Variants in KLHL38 observed in about 807,000 individuals in gnomAD.
The protein encoded by KLHL38 is kelch like family member 38.
KLHL38 carries 38 observed loss-of-function variants against 39.6 expected under a neutral mutation model. That is an observed-to-expected ratio of 0.96 (90% CI 0.74 to 1.26). The LOEUF (loss-of-function observed/expected upper bound fraction) is 1.26, where lower values mean the gene tolerates loss of function less well. Among genes scored for constraint, KLHL38 ranks in the 50% most tolerant of loss-of-function variants. The pLI is 0.00. For missense variants in KLHL38, 803 were observed against 748.1 expected (o/e 1.07, Z -0.86); for synonymous variants, 322 against 302.2 (o/e 1.07, Z -0.68).
Position 123,652,385 on chromosome 8 carries a change from C to A in KLHL38, c.542G>T (p.Arg181Met). 6.2e-7 allele frequency: 1 copy of A among 1,614,074 alleles called. No homozygotes were observed. The highest frequency in any genetic ancestry group is 8.5e-7 in the Non-Finnish European group (1 of 1,180,046). The change falls in exon 2 of 4, where the codon AGG becomes ATG. Residue 181 changes from arginine to methionine, a missense_variant. Coordinates refer to ENST00000684634, the MANE Select transcript of KLHL38 (RefSeq NM_001081675.3). ...DLKELCALEL[R>M]DYLGDDGLCG... The stretch of plus-strand genomic sequence containing the variant: ...GAGCCCATCATCTCCGAGATAGTCC[C>A]TCAACTCCAAGGCACAGAGCTCCTT...
intron 2 of KLHL38, among the ~76,000 whole-genome samples, chr8:123,650,280 A>G (rs1812616483): frequency 1.3e-5 from 2 of 152,136 alleles, no homozygotes. Context: ...CACATAAAGC[A>G]CACTAACACA....
In KLHL38 at chr8:123,652,754, T is replaced by A; in HGVS notation, c.173A>T (p.Tyr58Phe). The stretch of plus-strand genomic sequence containing the variant: ...GCTGCTGCAGAACATAGCCCTGAAG[T>A]AGGGGCTGCTGGAGGCCAGCACGTT... Reference protein sequence around the residue: ...HRNVLASSSPYFRAMFCSSFR... With the variant: ...HRNVLASSSPFFRAMFCSSFR... The change falls in exon 2 of 4, where the codon TAC (tyrosine) becomes TTC (phenylalanine). Residue 58 changes from tyrosine to phenylalanine, a missense_variant. Transcript: ENST00000684634. 6.2e-7 allele frequency: 1 copy of A among 1,614,156 alleles called. No homozygotes were observed. The highest frequency in any genetic ancestry group is 8.5e-7 in the Non-Finnish European group (1 of 1,180,008).
In KLHL38 at chr8:123,646,028, C is replaced by T. The variant is rs747331529; in HGVS notation, c.1457G>A (p.Gly486Asp). The T allele has an allele frequency of 1.2e-6, 2 of 1,613,640 alleles. No homozygotes were observed. The highest frequency in any genetic ancestry group is 1.1e-5 in the South Asian group (1 of 91,068). Reference protein sequence around the residue: ...VLGERIVIVGGYTRRILAYDP... With the variant: ...VLGERIVIVGDYTRRILAYDP... Reference sequence around the variant, plus strand: ...ATAAGCAAGAATCCTCCTTGTGTAACCTGAAAACCAAATGACACATGGGCA... The same window carrying T: ...ATAAGCAAGAATCCTCCTTGTGTAATCTGAAAACCAAATGACACATGGGCA... Residue 486 changes from glycine to aspartate, a missense_variant and splice_region_variant, in exon 4 of 4, where the codon GGT becomes GAT. By Grantham distance (94) the Gly-to-Asp change is moderately conservative. Coordinates refer to ENST00000684634, the MANE Select transcript of KLHL38 (RefSeq NM_001081675.3).
At chr8:123,646,884 C>A in intron 3 of KLHL38, 25 bp downstream of exon 3, 2 of 1,520,296 alleles carry the variant, frequency 1.3e-6, no homozygotes, top group South Asian at 1.2e-5. Flanking sequence ...TGTGTCACGC[C>A]CAGTGATCCT....
chr8:123,647,132 A>G, intron 2 of KLHL38, 118 bp from the exon 3 acceptor site: 1 of 659,738 alleles, frequency 1.5e-6, no homozygotes, highest in Non-Finnish European at 2.7e-6. Flanking sequence ...GCTTTTTTCC[A>G]GTTTTAAAAA....
rs374468348 is a variant in KLHL38 at position 123,652,441 on chromosome 8, G to A, written c.486C>T (p.Ser162=). ...KKKAREVALT[S]FPEVAASADL... is the part of the protein sequence containing the mutation. The stretch of plus-strand genomic sequence containing the variant: ...CGGCCGATGCGGCCACCTCTGGGAA[G>A]GACGTCAGTGCCACCTCCCTGGCTT... Residue 162 remains serine, a synonymous_variant, in exon 2 of 4, where the codon TCC becomes TCT. Coordinates refer to ENST00000684634, the MANE Select transcript of KLHL38 (RefSeq NM_001081675.3). 4 of 1,614,052 alleles carry A rather than the reference G, an allele frequency of 2.5e-6. No individual in the cohort carries two copies. Among genetic ancestry groups the A allele is most frequent in the Non-Finnish European group, 3.4e-6 (4 of 1,180,042 alleles).
rs1818624767 is a variant in KLHL38 at position 123,644,587 on chromosome 8, G to A, written c.*1152C>T. On this transcript the variant is annotated 3_prime_UTR_variant, in exon 4 of 4. Coordinates refer to ENST00000684634, the MANE Select transcript of KLHL38 (RefSeq NM_001081675.3). Reference sequence around the variant, plus strand: ...AAGGTCAGGGCCAATTTCTCACGCTGCCACCTGGACCAAGCAGTTCCAGGA... The same window carrying A: ...AAGGTCAGGGCCAATTTCTCACGCTACCACCTGGACCAAGCAGTTCCAGGA... Among the ~76,000 whole-genome samples, 1 of 152,190 alleles carries A rather than the reference G, an allele frequency of 6.6e-6. No homozygotes were observed.
rs769312627 is a variant in KLHL38, at chr8:123,652,748, C to G, written c.179G>C (p.Arg60Thr). The G allele has an allele frequency of 6.2e-7, 1 of 1,614,212 alleles. No individual in the cohort carries two copies. The highest frequency in any genetic ancestry group is 1.1e-5 in the South Asian group (1 of 91,086). The change falls in exon 2 of 4, where the codon AGG becomes ACG. Residue 60 changes from arginine (R) to threonine (T), a missense_variant. Arg to Thr is a moderately conservative substitution (Grantham distance 71). Transcript: ENST00000684634. ...CCGGAAGCTGCTGCAGAACATAGCC[C>G]TGAAGTAGGGGCTGCTGGAGGCCAG... Reference protein sequence around the residue: ...NVLASSSPYFRAMFCSSFREK... With the variant: ...NVLASSSPYFTAMFCSSFREK...
intron 2 of KLHL38, among the ~76,000 whole-genome samples, chr8:123,651,035 G>T (rs1295600192): frequency 6.6e-6 from 1 of 152,190 alleles, no homozygotes; most frequent in African/African-American, 2.4e-5. Context: ...GATAAACTCT[G>T]TGCATAGGGA....
chr8:123,653,557 C>T (rs770000665), intron 1 of KLHL38, among the ~76,000 whole-genome samples, 29 bp downstream of exon 1: 4 of 152,188 alleles, frequency 2.6e-5, no homozygotes, highest in South Asian at 2.1e-4. Context: ...TTTCTACTTG[C>T]AGAAGAAATA....
At position 123,645,700 on chromosome 8, in the gene KLHL38, G is replaced by A; in HGVS notation, c.*39C>T. The stretch of plus-strand genomic sequence containing the variant: ...AGCTGGGTTTGTGTCCCTGGCGACA[G>A]AAGGCATTTTGACTAGGGCAGAAGG... On this transcript the variant is annotated 3_prime_UTR_variant, in exon 4 of 4. Transcript: ENST00000684634. The A allele has an allele frequency of 1.2e-6, 2 of 1,602,086 alleles. No individual in the cohort carries two copies. The highest frequency in any genetic ancestry group is 1.7e-6 in the Non-Finnish European group (2 of 1,171,870).
chr8:123,650,658 C>T (rs1812627486), intron 2 of KLHL38, among the ~76,000 whole-genome samples: 2 of 152,148 alleles, frequency 1.3e-5, no homozygotes, highest in Non-Finnish European at 2.9e-5. Context: ...CTGGAAAACA[C>T]TTAATATTCT....
At chr8:123,653,395 G>A (rs1183436001) in intron 1 of KLHL38, among the ~76,000 whole-genome samples, 191 bp downstream of exon 1, 1 of 152,200 alleles carries the variant, frequency 6.6e-6, no homozygotes, top group Non-Finnish European at 1.5e-5. Flanking sequence ...TATTCTGGAG[G>A]TGTGGCCCTC....
chr8:123,645,672 T>C lies in KLHL38; in HGVS notation c.*67A>G. 2.6e-6 allele frequency: 4 copies of C among 1,562,846 alleles called. No individual in the cohort carries two copies. The East Asian group carries it at 6.8e-5, about 26-fold the overall frequency. On this transcript the variant is annotated 3_prime_UTR_variant, in exon 4 of 4. Coordinates refer to ENST00000684634, the MANE Select transcript of KLHL38 (RefSeq NM_001081675.3). ...TGCAGCCTTTAAGGGTTAAGCCCTTTGGAGCTGGGTTTGTGTCCCTGGCGA... is the reference window on the plus strand; with the variant it reads ...TGCAGCCTTTAAGGGTTAAGCCCTTCGGAGCTGGGTTTGTGTCCCTGGCGA...
intron 2 of KLHL38, 113 bp downstream of exon 2, chr8:123,651,464 A>G (rs962520351): frequency 9.3e-7 from 1 of 1,070,878 alleles, no homozygotes; most frequent in Non-Finnish European, 1.3e-6. Flanking sequence ...TTATGTGCAT[A>G]TATGTGTTTT....
Position 123,652,531 on chromosome 8 carries a change from GGCC to G in KLHL38, c.393_395del (p.Leu131_Ala132delinsPhe), listed in dbSNP as rs752719773. The G allele has an allele frequency of 1.2e-6, 2 of 1,614,198 alleles. No homozygotes were observed. Among genetic ancestry groups the G allele is most frequent in the Non-Finnish European group, 1.7e-6 (2 of 1,180,028 alleles). The stretch of plus-strand genomic sequence containing the variant: ...TGATCATACCCAGGCAGTTGCTGGG[GGCC>G]AACTGGCTCTGCAAGTACGAGGAGC... On this transcript the variant is annotated inframe_deletion, in exon 2 of 4. Transcript: ENST00000684634.
chr8:123,650,186 ACT>A (rs1812614062), intron 2 of KLHL38, among the ~76,000 whole-genome samples: 1 of 151,192 alleles, frequency 6.6e-6, no homozygotes, highest in Admixed American at 6.6e-5. Flanking sequence ...TAACCCTGGC[ACT>A]CTCTCTGATT....
At position 123,652,005 on chromosome 8, in the gene KLHL38, G is replaced by A; in HGVS notation, c.922C>T (p.Gln308Ter). ...TTRDVLLYSK[Q>*]TGQWQSLAKL... ...GCAAGGCTCTGCCATTGGCCGGTCT[G>A]TTTGCTGTACAGTAGGACGTCCCTG... Residue 308 changes from glutamine (Q) to a stop codon, truncating the protein, a stop_gained, in exon 2 of 4, where the codon CAG becomes TAG. Coordinates refer to ENST00000684634, the MANE Select transcript of KLHL38 (RefSeq NM_001081675.3). LOFTEE classifies it high-confidence loss of function. 1 of 1,614,268 alleles carries A rather than the reference G, an allele frequency of 6.2e-7. No homozygotes were observed. Among genetic ancestry groups the A allele is most frequent in the Non-Finnish European group, 8.5e-7 (1 of 1,180,050 alleles).
In KLHL38 at chr8:123,652,238, G is replaced by T. The variant is rs1233251901; in HGVS notation, c.689C>A (p.Ala230Asp). 6.2e-7 allele frequency: 1 copy of T among 1,614,168 alleles called. No homozygotes were observed. Among genetic ancestry groups the T allele is most frequent in the Non-Finnish European group, 8.5e-7 (1 of 1,180,028 alleles). Residue 230 changes from alanine (A) to aspartate (D), a missense_variant, in exon 2 of 4, where the codon GCC becomes GAC. By Grantham distance (126) the Ala-to-Asp change is moderately radical. Coordinates refer to ENST00000684634, the MANE Select transcript of KLHL38 (RefSeq NM_001081675.3). ...KQVRLQYIHP[A>D]FFHHFIANDA... ...GTTGGCGATGAAGTGGTGAAAGAAG[G>T]CTGGGTGGATGTACTGCAGCCTGAC...
Sources: gnomAD v4.1 joint callset for allele counts (sites outside exome capture counted in the v4.1 genomes callset) on GRCh38, gnomAD v4.1.1 for gene constraint, MANE v1.5 for transcripts, NCBI Gene and HGNC (gene_info 2026-07-23, HGNC 2026-07-21) for gene names.